SND1: variants seen among roughly 807,000 people sequenced by gnomAD.
The protein encoded by SND1 is staphylococcal nuclease and tudor domain containing 1.
In SND1, 38 loss-of-function variants were observed where a neutral mutation model predicts 121.7. That is an observed-to-expected ratio of 0.31 (90% CI 0.24 to 0.41). The LOEUF is 0.41. SND1 is among the 10% of genes least tolerant of loss of function. The pLI, the probability that SND1 is intolerant of heterozygous loss-of-function variation, is 1.00. For missense variants in SND1, 868 were observed against 1,184.6 expected (o/e 0.73, Z 3.92); for synonymous variants, 401 against 447.4 (o/e 0.90, Z 1.31).
At chr7:127,735,519 C>G (rs1016547718) in intron 10 of SND1, among the ~76,000 whole-genome samples, 17 of 151,904 alleles carry the variant, frequency 1.1e-4, no homozygotes, top group Non-Finnish European at 2.4e-4. Flanking sequence ...TCCAGGCCAG[C>G]CCTGGCAACA....
intron 2 of SND1, among the ~76,000 whole-genome samples, chr7:127,687,889 C>T (rs911500944): frequency 3.3e-5 from 5 of 151,894 alleles, no homozygotes; most frequent in African/African-American, 1.2e-4. Context: ...AAGGAGGTCT[C>T]GCTAGTTTGC....
chr7:128,022,634 T>C (rs924014466), intron 16 of SND1, among the ~76,000 whole-genome samples: 1 of 152,186 alleles, frequency 6.6e-6, no homozygotes, highest in Admixed American at 6.5e-5. Context: ...TATAACACTC[T>C]TCCTCTGGAA....
chr7:127,963,492 G>C (rs2116874249), intron 15 of SND1, among the ~76,000 whole-genome samples: 1 of 125,040 alleles, frequency 8.0e-6, no homozygotes, highest in African/African-American at 3.1e-5. Context: ...CTATGAGTGA[G>C]AATATGCGGT....
rs1465087464 is a variant in SND1, at chr7:127,835,892, A to T, written c.1243-8432A>T. On this transcript the variant is annotated intron_variant, in intron 11 of 23. Coordinates refer to ENST00000354725, the MANE Select transcript of SND1 (RefSeq NM_014390.4). ...TCCGTATAGAAACTGCTTGGTCAGT[A>T]TATTTTCAGATCATTTTATTATGTT... 3.3e-5 allele frequency among the ~76,000 whole-genome samples: 5 copies of T among 152,276 alleles called. No homozygotes were observed. In the East Asian group the frequency reaches 9.6e-4, roughly 29 times the overall value.
chr7:127,993,544 G>GC (rs1802568692), intron 16 of SND1, among the ~76,000 whole-genome samples: 1 of 152,256 alleles, frequency 6.6e-6, no homozygotes, highest in Non-Finnish European at 1.5e-5. Flanking sequence ...GCACGACAGT[G>GC]CAGGAACTCT....
chr7:128,028,563 G>T, intron 16 of SND1: 2 of 961,936 alleles, frequency 2.1e-6, no homozygotes, highest in East Asian at 2.5e-5. Context: ...TTTTTAACCA[G>T]CCCATAGACT....
intron 10 of SND1, among the ~76,000 whole-genome samples, chr7:127,798,582 T>C (rs568475882): frequency 1.2e-3 from 176 of 152,330 alleles, no homozygotes; most frequent in African/African-American, 4.1e-3. Flanking sequence ...CTTACTTTTT[T>C]TTTTAATTGA....
chr7:127,766,974 T>C (rs1797434128), intron 10 of SND1, among the ~76,000 whole-genome samples: 1 of 151,872 alleles, frequency 6.6e-6, no homozygotes, highest in African/African-American at 2.4e-5. Flanking sequence ...TTATAGCCTC[T>C]ATAAATAACA....
intron 14 of SND1, among the ~76,000 whole-genome samples, chr7:127,921,357 T>G (rs1800701892): frequency 6.6e-6 from 1 of 152,174 alleles, no homozygotes; most frequent in Non-Finnish European, 1.5e-5. Context: ...CTAAACCATT[T>G]TCTTTTTAAA....
At chr7:127,653,988 C>T (rs1795168762) in intron 1 of SND1, among the ~76,000 whole-genome samples, 3 of 152,172 alleles carry the variant, frequency 2.0e-5, no homozygotes, top group Non-Finnish European at 2.9e-5. Context: ...TTCTCTTCAC[C>T]ATAGGAACAA....
intron 16 of SND1, among the ~76,000 whole-genome samples, chr7:128,016,687 T>C (rs1434511464): frequency 1.3e-5 from 2 of 152,254 alleles, no homozygotes; most frequent in African/African-American, 4.8e-5. Flanking sequence ...TTTCTTTCTC[T>C]AAAGTCACAT....
intron 16 of SND1, among the ~76,000 whole-genome samples, chr7:128,003,283 G>A (rs1012071807): frequency 6.6e-6 from 1 of 152,058 alleles, no homozygotes; most frequent in Non-Finnish European, 1.5e-5. Context: ...ATAGGAAAAG[G>A]CCTCCAAGAA....
intron 13 of SND1, among the ~76,000 whole-genome samples, chr7:127,897,781 C>T (rs1379983274): frequency 6.6e-6 from 1 of 152,092 alleles, no homozygotes; most frequent in Non-Finnish European, 1.5e-5. Flanking sequence ...TTGAACCATA[C>T]ATCCATATAT....
chr7:128,021,157 C>T (rs1020725745), intron 16 of SND1, among the ~76,000 whole-genome samples: 6 of 152,234 alleles, frequency 3.9e-5, no homozygotes, highest in Non-Finnish European at 5.9e-5. Context: ...TCAGTTCACA[C>T]AGGCAGACAC....
chr7:128,040,437 TAAAAAAAAAAA>T (rs67595921), intron 16 of SND1, among the ~76,000 whole-genome samples: 1,429 of 32,912 alleles, frequency 0.043, 44 homozygotes, highest in African/African-American at 0.16. Context: ...GTCCTATCTT[TAAAAAAAAAAA>T]AAAAAAAAAA....
At chr7:127,900,369 G>A (rs1176887790) in intron 13 of SND1, among the ~76,000 whole-genome samples, 1 of 152,156 alleles carries the variant, frequency 6.6e-6, no homozygotes, top group Non-Finnish European at 1.5e-5. Context: ...GCACGGGAGG[G>A]ACTGTGACTG....
At chr7:127,721,053 C>T (rs759516771) in intron 9 of SND1, among the ~76,000 whole-genome samples, 2 of 151,966 alleles carry the variant, frequency 1.3e-5, no homozygotes, top group Non-Finnish European at 2.9e-5. Context: ...AAAGATTGAC[C>T]ATCTTTATGA....
chr7:127,940,854 G>A (rs1369445623), intron 15 of SND1, among the ~76,000 whole-genome samples: 1 of 152,158 alleles, frequency 6.6e-6, no homozygotes, highest in African/African-American at 2.4e-5. Context: ...TCCAATGTGG[G>A]CAGCATGTGC....
At chr7:127,898,059 G>A (rs1800154527) in intron 13 of SND1, among the ~76,000 whole-genome samples, 1 of 152,110 alleles carries the variant, frequency 6.6e-6, no homozygotes, top group African/African-American at 2.4e-5. Context: ...AGTAGAGTTT[G>A]CAACTGTGTT....
Sources: allele counts gnomAD v4.1 joint callset (sites outside exome capture counted in the v4.1 genomes callset), GRCh38; gene constraint gnomAD v4.1.1; transcripts MANE v1.5; gene names NCBI Gene and HGNC (gene_info 2026-07-23, HGNC 2026-07-21).